The following ZFHX3 variants were observed in gnomAD, a reference collection of about 807,000 sequenced individuals.
The protein encoded by ZFHX3 is zinc finger homeobox protein 3.
In ZFHX3, 42 loss-of-function variants were observed where a neutral mutation model predicts 279.1. The observed-to-expected ratio is 0.15, with a 90% CI of 0.12 to 0.19. The LOEUF is 0.19. Ranked by LOEUF, ZFHX3 falls within the 10% of genes least tolerant of loss-of-function variation. ZFHX3 has a pLI of 1.00. For synonymous variants in ZFHX3, 2,293 were observed against 1,957.8 expected (o/e 1.17, Z -4.52); for missense variants, 4,981 against 4,754.0 (o/e 1.05, Z -1.40).
At chr16:73,765,071 C>T (rs1212196805) in intron 1 of ZFHX3, among the ~76,000 whole-genome samples, 3 of 152,204 alleles carry the variant, frequency 2.0e-5, no homozygotes, top group Non-Finnish European at 2.9e-5. Context: ...GAAATGTCTG[C>T]CTTTCGTTTC....
At chr16:73,498,691 C>T (rs950709341) in intron 2 of ZFHX3, among the ~76,000 whole-genome samples, 2 of 152,086 alleles carry the variant, frequency 1.3e-5, no homozygotes, top group African/African-American at 4.8e-5. Context: ...GTAAAGGGAG[C>T]AGGATTGGGT....
At position 73,004,159 on chromosome 16, in the gene ZFHX3, C is replaced by CTTTTTTTTTTTTTTTTTTTTTTT. The variant is rs3081625; in HGVS notation, c.-50+43570_-50+43592dup. ...CAATAATAACTACATAAAAACACGA[C>CTTTTTTTTTTTTTTTTTTTTTTT]TTTTTTTTTTTTTTTTTTTTTTTTT... On this transcript the variant is annotated intron_variant, in intron 1 of 9. Coordinates refer to ENST00000268489, the MANE Select transcript of ZFHX3 (RefSeq NM_006885.4). Among the ~76,000 whole-genome samples the CTTTTTTTTTTTTTTTTTTTTTTT allele has an allele frequency of 1.6e-4, 8 of 49,372 alleles. 1 individual carries two copies. Among genetic ancestry groups the CTTTTTTTTTTTTTTTTTTTTTTT allele is most frequent in the East Asian group, 1.2e-3 (1 of 816 alleles). The allele number at this position is 49,372 out of a possible 152,430, so 32.4% of individuals were successfully genotyped here.
At chr16:73,097,327 C>A (rs1311202367) in intron 7 of ZFHX3, among the ~76,000 whole-genome samples, 2 of 151,208 alleles carry the variant, frequency 1.3e-5, no homozygotes, top group African/African-American at 4.9e-5. Context: ...CTTGGCCTCC[C>A]AAAGTGCTGG....
chr16:73,769,261 G>C (rs1567404440), intron 1 of ZFHX3, among the ~76,000 whole-genome samples: 1 of 152,026 alleles, frequency 6.6e-6, no homozygotes, highest in South Asian at 2.1e-4. Flanking sequence ...GTCACATATG[G>C]TGCCCCCTCT....
chr16:73,672,584 A>G (rs2052914389), intron 2 of ZFHX3, among the ~76,000 whole-genome samples: 1 of 152,204 alleles, frequency 6.6e-6, no homozygotes, highest in African/African-American at 2.4e-5. Flanking sequence ...ATAGAAACTG[A>G]GCATCATAAA....
At chr16:73,850,936 C>A (rs1220589516) in intron 1 of ZFHX3, among the ~76,000 whole-genome samples, 1 of 152,176 alleles carries the variant, frequency 6.6e-6, no homozygotes, top group African/African-American at 2.4e-5. Context: ...ACCCAGAACC[C>A]ACCAACAAGG....
chr16:73,250,757 A>G (rs1765502939), intron 5 of ZFHX3, among the ~76,000 whole-genome samples: 4 of 152,200 alleles, frequency 2.6e-5, no homozygotes, highest in South Asian at 4.1e-4. Context: ...GATGGTCTCC[A>G]TCTCCTGACC....
At chr16:73,332,501 G>A (rs941085756) in intron 3 of ZFHX3, among the ~76,000 whole-genome samples, 2 of 152,172 alleles carry the variant, frequency 1.3e-5, no homozygotes, top group African/African-American at 4.8e-5. Context: ...CAGGTCTCTG[G>A]CTGAACTACC....
chr16:73,518,269 T>C (rs948004170), intron 2 of ZFHX3, among the ~76,000 whole-genome samples: 1 of 152,218 alleles, frequency 6.6e-6, no homozygotes, highest in African/African-American at 2.4e-5. Flanking sequence ...GATCTAAGAC[T>C]CAGCATACAG....
At chr16:73,470,484 T>G (rs917503594) in intron 2 of ZFHX3, among the ~76,000 whole-genome samples, 10 of 152,194 alleles carry the variant, frequency 6.6e-5, no homozygotes, top group Non-Finnish European at 1.3e-4. Context: ...TTTATTAATA[T>G]TAATAATTAA....
At chr16:73,087,580 A>G (rs1390379588) in intron 8 of ZFHX3, among the ~76,000 whole-genome samples, 1 of 152,250 alleles carries the variant, frequency 6.6e-6, no homozygotes, top group Non-Finnish European at 1.5e-5. Context: ...AGAGATGATT[A>G]TAACTCTAAT....
rs541162158 is a variant in ZFHX3 at position 73,310,011 on chromosome 16, C to T, written c.-1194+8229G>A. ...GCAACCTCCACCTCCCAGGTTCAAG[C>T]GATTCTCCTGCCTCAGCCTCCTGAG... is the stretch of plus-strand genomic sequence containing the variant. On this transcript the variant is annotated intron_variant, in intron 4 of 17. Coordinates refer to the ZFHX3 transcript ENST00000641206. Among the ~76,000 whole-genome samples, 17 of 147,000 alleles carry T rather than the reference C, an allele frequency of 1.2e-4. No homozygotes were observed. The South Asian group carries it at 2.9e-3, about 25-fold the overall frequency.
At chr16:73,336,544 A>C (rs62057272) in intron 3 of ZFHX3, among the ~76,000 whole-genome samples, 15,394 of 152,014 alleles carry the variant, frequency 0.1, 1,036 homozygotes, top group Middle Eastern at 0.19. Flanking sequence ...AGCTCCATCC[A>C]TGTTGCTGCA....
At chr16:72,835,749 C>A (rs1292339928) in intron 4 of ZFHX3, among the ~76,000 whole-genome samples, 1 of 152,080 alleles carries the variant, frequency 6.6e-6, no homozygotes, top group African/African-American at 2.4e-5. Flanking sequence ...CCTCTAACTC[C>A]TGTGTAGGTG....
At chr16:73,496,559 T>C (rs1052335360) in intron 2 of ZFHX3, among the ~76,000 whole-genome samples, 3 of 152,008 alleles carry the variant, frequency 2.0e-5, no homozygotes, top group Non-Finnish European at 4.4e-5. Context: ...GAAACACATT[T>C]TTAAAAATTA....
rs767666978 is a variant in ZFHX3 at position 72,787,375 on chromosome 16, G to A, written c.10901C>T (p.Pro3634Leu). 32 of 1,608,968 alleles carry A rather than the reference G, an allele frequency of 2.0e-5. No individual in the cohort carries two copies. Among genetic ancestry groups the A allele is most frequent in the African/African-American group, 2.7e-5 (2 of 74,674 alleles). The change falls in exon 10 of 10, where the codon CCT (proline) becomes CTT (leucine). Residue 3634 changes from proline (P) to leucine (L), a missense_variant. By Grantham distance (98) the Pro-to-Leu change is moderately conservative (BLOSUM62 -3). This residue lies in a region of ZFHX3 where 1,034 missense variants were observed against 786.0 expected (regional missense o/e 1.32). Transcript: ENST00000268489. ...GGTAACCGTTGAAGATGAGGAGAGAGGAGGAAAAGAAGGGGGCTTCGCTGC... is the reference window on the plus strand; with the variant it reads ...GGTAACCGTTGAAGATGAGGAGAGAAGAGGAAAAGAAGGGGGCTTCGCTGC... ...ASAAKPPSFP[P>L]LSSSSTVTSS... is the part of the protein sequence containing the mutation.
At chr16:73,581,662 T>C (rs2051862235) in intron 2 of ZFHX3, among the ~76,000 whole-genome samples, 3 of 109,538 alleles carry the variant, frequency 2.7e-5, no homozygotes, top group Non-Finnish European at 3.9e-5. Context: ...AATGTCTCTT[T>C]TTTTTTTTTT....
chr16:73,417,988 CAAAAAAAAAAA>C (rs71156161), intron 3 of ZFHX3, among the ~76,000 whole-genome samples: 3 of 57,858 alleles, frequency 5.2e-5, no homozygotes, highest in African/African-American at 2.5e-4. Flanking sequence ...GACTCCATCT[CAAAAAAAAAAA>C]AAAAAAAAAA....
intron 7 of ZFHX3, among the ~76,000 whole-genome samples, chr16:72,811,365 G>A (rs2036440244): frequency 6.6e-6 from 1 of 152,196 alleles, no homozygotes; most frequent in South Asian, 2.1e-4. Context: ...TGATAAGGGA[G>A]GTTGAGAAAC....
Sources: gnomAD v4.1 joint callset for allele counts (sites outside exome capture counted in the v4.1 genomes callset) on GRCh38, gnomAD v4.1.1 for gene constraint, gnomAD v4.1.1 regional missense constraint, MANE v1.5 for transcripts, NCBI Gene and HGNC (gene_info 2026-07-23, HGNC 2026-07-21) for gene names.